SRGAP1: variants seen among roughly 807,000 people sequenced by gnomAD.
SRGAP1 encodes SLIT-ROBO Rho GTPase activating protein 1, also known as SLIT-ROBO Rho GTPase-activating protein 1.
In SRGAP1, 43 loss-of-function variants were observed where a neutral mutation model predicts 121.9. That is an observed-to-expected ratio of 0.35 (90% CI 0.28 to 0.46). The LOEUF (loss-of-function observed/expected upper bound fraction) is 0.46, where lower values mean the gene tolerates loss of function less well. Ranked by LOEUF, SRGAP1 falls within the 20% of genes least tolerant of loss-of-function variation. The probability of loss-of-function intolerance (pLI) is 1.00; values close to 1 mark genes in which losing one functional copy is unlikely to be tolerated. For missense variants in SRGAP1, 1,102 were observed against 1,350.9 expected (o/e 0.82, Z 2.89); for synonymous variants, 447 against 485.4 (o/e 0.92, Z 1.04).
At chr12:64,116,255 C>CAA (rs35619316) in intron 18 of SRGAP1, among the ~76,000 whole-genome samples, 12 of 72,602 alleles carry the variant, frequency 1.7e-4, no homozygotes, top group South Asian at 5.1e-4. Context: ...GACCTCATCT[C>CAA]AAAAAAAAAA....
chr12:64,074,118 T>C (rs181075340), intron 8 of SRGAP1, among the ~76,000 whole-genome samples: 1 of 152,366 alleles, frequency 6.6e-6, no homozygotes, highest in East Asian at 1.9e-4. Flanking sequence ...TTAAGCCATC[T>C]GTTGAAAACG....
intron 1 of SRGAP1, among the ~76,000 whole-genome samples, chr12:63,896,662 T>C (rs1374895938): frequency 6.6e-6 from 1 of 152,194 alleles, no homozygotes; most frequent in East Asian, 1.9e-4. Flanking sequence ...GTAAATGATG[T>C]TTATATGAAA....
chr12:64,033,849 A>G (rs7312152), intron 4 of SRGAP1, among the ~76,000 whole-genome samples: 58,212 of 151,940 alleles, frequency 0.38, 11,822 homozygotes, highest in Non-Finnish European at 0.48. Context: ...GTGAAACCCC[A>G]TCTCTACTAA....
At position 63,908,011 on chromosome 12, in the gene SRGAP1, T is replaced by C. The variant is rs186511503; in HGVS notation, c.67+63128T>C. Among the ~76,000 whole-genome samples, 15 of 152,342 alleles carry C rather than the reference T, an allele frequency of 9.8e-5. No individual in the cohort carries two copies. In the East Asian group the frequency reaches 2.9e-3, roughly 29 times the overall value. Reference sequence around the variant, plus strand: ...ATCCCTGTTGAAAATCAGTTAACCATAAGTGTGAGAGTTTATTTCTGGACT... The same window carrying C: ...ATCCCTGTTGAAAATCAGTTAACCACAAGTGTGAGAGTTTATTTCTGGACT... On this transcript the variant is annotated intron_variant, in intron 1 of 21. Coordinates refer to ENST00000355086, the MANE Select transcript of SRGAP1 (RefSeq NM_020762.4).
At chr12:64,129,810 C>G (rs2036755103) in intron 21 of SRGAP1, among the ~76,000 whole-genome samples, 1 of 152,156 alleles carries the variant, frequency 6.6e-6, no homozygotes, top group African/African-American at 2.4e-5. Context: ...AAGATATTTT[C>G]CTAGTACAAG....
At chr12:63,912,428 C>T (rs766420287) in intron 1 of SRGAP1, among the ~76,000 whole-genome samples, 4 of 151,988 alleles carry the variant, frequency 2.6e-5, no homozygotes, top group Non-Finnish European at 4.4e-5. Flanking sequence ...GGCAGCAAAG[C>T]GAGACCCCCA....
At chr12:63,894,200 TA>T (rs1304352092) in intron 1 of SRGAP1, among the ~76,000 whole-genome samples, 1 of 152,208 alleles carries the variant, frequency 6.6e-6, no homozygotes, top group Non-Finnish European at 1.5e-5. Flanking sequence ...GGCACTCTGC[TA>T]TTTTTCTTTC....
intron 12 of SRGAP1, among the ~76,000 whole-genome samples, chr12:64,092,482 A>C (rs942877098): frequency 6.6e-6 from 1 of 151,666 alleles, no homozygotes; most frequent in Non-Finnish European, 1.5e-5. Context: ...ACATACATAC[A>C]TACATACATA....
At chr12:63,975,736 C>G (rs1373166869) in intron 1 of SRGAP1, among the ~76,000 whole-genome samples, 1 of 152,068 alleles carries the variant, frequency 6.6e-6, no homozygotes. Context: ...CACAATGTAG[C>G]TACAAATCAG....
At chr12:63,941,545 T>C (rs1397445118) in intron 1 of SRGAP1, among the ~76,000 whole-genome samples, 4 of 152,216 alleles carry the variant, frequency 2.6e-5, no homozygotes, top group Non-Finnish European at 5.9e-5. Flanking sequence ...GATTTTATTT[T>C]AGAAGTTCAC....
In SRGAP1 at chr12:64,149,266, ACTTTT is replaced by A. The variant is rs2037093619; in HGVS notation, c.*6599_*6603del. On this transcript the variant is annotated 3_prime_UTR_variant, in exon 22 of 22. Transcript: ENST00000355086. Reference sequence around the variant, plus strand: ...GGAAGGCCTACTCAAAGGCAAGGATACTTTTCTTTCTTTCCAAAAAAGCACTGTCT... The same window carrying A: ...GGAAGGCCTACTCAAAGGCAAGGATACTTTCTTTCCAAAAAAGCACTGTCT... 6.6e-6 allele frequency: 1 copy of A among 152,192 alleles called. No individual in the cohort carries two copies. The highest frequency in any genetic ancestry group is 6.5e-5 in the Admixed American group (1 of 15,278). 9.4% of individuals were successfully genotyped at this position (152,192 alleles called of 1,614,324 possible).
chr12:64,140,435 TTCTCC>T, intron 21 of SRGAP1, among the ~76,000 whole-genome samples: 1 of 146,194 alleles, frequency 6.8e-6, no homozygotes, highest in South Asian at 2.3e-4. Flanking sequence ...TGGTTTGTAG[TTCTCC>T]TTGAAGAGGT....
chr12:64,035,336 CT>C (rs5798722), intron 4 of SRGAP1, among the ~76,000 whole-genome samples: 81,607 of 151,826 alleles, frequency 0.54, 22,600 homozygotes, highest in South Asian at 0.66. Context: ...GCAACTGCCC[CT>C]CTCCCACCTC....
chr12:63,909,070 A>G (rs2030363834), intron 1 of SRGAP1, among the ~76,000 whole-genome samples: 1 of 151,768 alleles, frequency 6.6e-6, no homozygotes. Context: ...TTGTATTTTT[A>G]GTAGAGACGG....
chr12:64,020,942 T>C (rs2034533834), intron 4 of SRGAP1, among the ~76,000 whole-genome samples: 1 of 129,058 alleles, frequency 7.7e-6, no homozygotes, highest in Admixed American at 7.6e-5. Context: ...TTATATTCTG[T>C]CTCACAAAAA....
At chr12:64,136,749 G>C (rs1185723643) in intron 21 of SRGAP1, among the ~76,000 whole-genome samples, 3 of 152,214 alleles carry the variant, frequency 2.0e-5, no homozygotes, top group Middle Eastern at 6.8e-3. Context: ...TTTCTGTTTA[G>C]AGTGCTATGC....
chr12:63,978,350 C>T (rs150092379), intron 1 of SRGAP1, among the ~76,000 whole-genome samples: 41 of 152,310 alleles, frequency 2.7e-4, no homozygotes, highest in South Asian at 1.0e-3. Flanking sequence ...AAACTTCGCA[C>T]CCCTTAGCAG....
intron 1 of SRGAP1, among the ~76,000 whole-genome samples, chr12:63,920,350 A>G (rs2030990990): frequency 6.6e-6 from 1 of 152,190 alleles, no homozygotes; most frequent in Admixed American, 6.5e-5. Context: ...GCAACAAAAC[A>G]CAGGCTGAAA....
intron 1 of SRGAP1, among the ~76,000 whole-genome samples, chr12:63,868,905 T>G (rs1410996588): frequency 2.0e-5 from 3 of 152,216 alleles, no homozygotes; most frequent in Admixed American, 6.5e-5. Flanking sequence ...GATTTTGTTG[T>G]TGGTGGTGGC....
Sources: gnomAD v4.1 joint callset for allele counts (sites outside exome capture counted in the v4.1 genomes callset) on GRCh38, gnomAD v4.1.1 for gene constraint, MANE v1.5 for transcripts, NCBI Gene and HGNC (gene_info 2026-07-23, HGNC 2026-07-21) for gene names.